RALYL: variants seen among roughly 807,000 people sequenced by gnomAD.
RALYL encodes the protein RNA-binding Raly-like protein.
A neutral mutation model predicts 35.1 loss-of-function variants in RALYL; 29 were observed. That is an observed-to-expected ratio of 0.83 (90% CI 0.61 to 1.13). RALYL has a LOEUF of 1.13. RALYL is among the 50% of genes most tolerant of loss of function. RALYL has a pLI of 0.00. For synonymous variants in RALYL, 120 were observed against 127.6 expected, an observed-to-expected ratio of 0.94 and a Z score of 0.40; for missense variants, 359 against 360.4, an observed-to-expected ratio of 1.00 and a Z score of 0.03.
intron 2 of RALYL, among the ~76,000 whole-genome samples, chr8:84,596,453 G>C (rs189955813): frequency 4.5e-4 from 69 of 152,234 alleles, no homozygotes; most frequent in Admixed American, 3.6e-3. Flanking sequence ...CAGTTTTTCA[G>C]GGTTAAGAGA....
chr8:84,505,035 C>G (rs888691351), intron 1 of RALYL, among the ~76,000 whole-genome samples: 20 of 152,108 alleles, frequency 1.3e-4, no homozygotes, highest in Admixed American at 2.6e-4. Context: ...ATTGGGCTGT[C>G]TTGCTTGTGT....
rs542731767 is a variant in RALYL at position 84,782,329 on chromosome 8, A to C, written c.332+7675A>C. ...ACTCAGCTTCTAAGTCTAGAAGAAA[A>C]AGACAATGCTTGAATGTCTAGAACC... On this transcript the variant is annotated intron_variant, in intron 3 of 8. Transcript: ENST00000521268. Among the ~76,000 whole-genome samples, 26 of 152,276 alleles carry C rather than the reference A, an allele frequency of 1.7e-4. 1 individual carries two copies. In the South Asian group the frequency reaches 5.2e-3, roughly 30 times the overall value.
chr8:84,912,210 G>T (rs894450854), intron 8 of RALYL, among the ~76,000 whole-genome samples: 5 of 151,982 alleles, frequency 3.3e-5, no homozygotes, highest in Admixed American at 6.6e-5. Context: ...AATAACAAAA[G>T]ACACTGCTAT....
intron 2 of RALYL, among the ~76,000 whole-genome samples, chr8:84,671,753 G>A (rs28792691): frequency 0.074 from 11,321 of 152,240 alleles, 1,023 homozygotes; most frequent in African/African-American, 0.21. Context: ...CCCAGCCCAC[G>A]AAACCATTTT....
chr8:84,641,740 G>A (rs997860807), intron 2 of RALYL, among the ~76,000 whole-genome samples: 1 of 139,914 alleles, frequency 7.1e-6, no homozygotes, highest in African/African-American at 2.7e-5. Context: ...TAACTCAGAA[G>A]ATTCAGCTGT....
chr8:84,592,343 C>T lies in RALYL; in HGVS notation c.256+62766C>T, dbSNP rs547959406. Among the ~76,000 whole-genome samples, 7 of 152,166 alleles carry T rather than the reference C, an allele frequency of 4.6e-5. No homozygotes were observed. In the South Asian group the frequency reaches 8.3e-4, roughly 18 times the overall value. ...TAATAAGTTTCCTTTCAAAAATAAC[C>T]GTGCTCACTCTCTTCAGGAATAACC... On this transcript the variant is annotated intron_variant, in intron 2 of 8. Coordinates refer to ENST00000521268, the MANE Select transcript of RALYL (RefSeq NM_173848.7).
intron 4 of RALYL, among the ~76,000 whole-genome samples, chr8:84,816,032 C>CAAAAAAAAAAAAAA (rs5892931): frequency 1.5e-4 from 13 of 84,186 alleles, no homozygotes; most frequent in South Asian, 4.4e-4. Flanking sequence ...GACTCTGTCT[C>CAAAAAAAAAAAAAA]AAAAAAAAAA....
chr8:84,221,850 G>A (rs1822299605), intron 1 of RALYL, among the ~76,000 whole-genome samples: 1 of 152,010 alleles, frequency 6.6e-6, no homozygotes, highest in African/African-American at 2.4e-5. Context: ...TTGGAATTCT[G>A]GTGTGGTCTG....
intron 1 of RALYL, chr8:84,184,754 G>A (rs1812052111): frequency 6.9e-6 from 3 of 437,480 alleles, no homozygotes; most frequent in Non-Finnish European, 1.2e-5. Flanking sequence ...CGGCCGGCGG[G>A]CCCTGTAAGT....
chr8:84,359,008 T>C (rs773095261), intron 1 of RALYL, among the ~76,000 whole-genome samples: 1 of 152,056 alleles, frequency 6.6e-6, no homozygotes, highest in Non-Finnish European at 1.5e-5. Context: ...TAAATATGTA[T>C]ACATAAATAT....
intron 1 of RALYL, among the ~76,000 whole-genome samples, chr8:84,460,970 G>A (rs1047210216): frequency 5.3e-5 from 8 of 151,502 alleles, no homozygotes; most frequent in South Asian, 2.1e-4. Flanking sequence ...TGATAAGAGA[G>A]TACACCCAAA....
intron 2 of RALYL, among the ~76,000 whole-genome samples, chr8:84,750,428 G>C (rs571639161): frequency 9.1e-4 from 139 of 152,206 alleles, no homozygotes; most frequent in African/African-American, 3.2e-3. Flanking sequence ...TACCCCTTGT[G>C]TGATGGCCTC....
intron 8 of RALYL, among the ~76,000 whole-genome samples, chr8:84,888,628 T>G (rs1478702034): frequency 6.6e-6 from 1 of 152,208 alleles, no homozygotes; most frequent in Non-Finnish European, 1.5e-5. Context: ...TTAACTCATT[T>G]TGTCATGGTG....
chr8:84,536,159 C>G (rs772605618), intron 2 of RALYL, among the ~76,000 whole-genome samples: 27 of 152,256 alleles, frequency 1.8e-4, no homozygotes, highest in Non-Finnish European at 3.5e-4. Flanking sequence ...ATCTTTAATA[C>G]ACTGACTTTT....
Position 84,920,995 on chromosome 8 carries a change from C to A in RALYL, c.*84C>A, listed in dbSNP as rs979790480. The A allele has an allele frequency of 5.7e-6, 4 of 700,504 alleles. No individual in the cohort carries two copies. In the Admixed American group the frequency reaches 1.1e-4, roughly 20 times the overall value. 43.4% of individuals were successfully genotyped at this position (700,504 alleles called of 1,614,324 possible). A position where few individuals can be genotyped will look rare whatever the true frequency, so the allele number is the denominator to read the frequency against. The stretch of plus-strand genomic sequence containing the variant: ...ATGTGAAAGGAGGTTTCTTACTGGA[C>A]AGCAGCATCTTTGGTTCAATTTATA... On this transcript the variant is annotated 3_prime_UTR_variant, in exon 9 of 9. Transcript: ENST00000521268.
At chr8:84,398,322 T>C (rs1012317685) in intron 1 of RALYL, among the ~76,000 whole-genome samples, 5 of 152,078 alleles carry the variant, frequency 3.3e-5, no homozygotes, top group African/African-American at 4.8e-5. Flanking sequence ...TTTTTTATCC[T>C]TGCCAATACA....
chr8:84,588,807 G>C (rs758127350), intron 2 of RALYL, among the ~76,000 whole-genome samples: 2 of 152,232 alleles, frequency 1.3e-5, no homozygotes, highest in African/African-American at 4.8e-5. Context: ...ATGTAAATGC[G>C]AATATTAAAT....
chr8:84,607,631 C>T (rs1206295240), intron 2 of RALYL, among the ~76,000 whole-genome samples: 2 of 152,058 alleles, frequency 1.3e-5, no homozygotes, highest in Admixed American at 1.3e-4. Context: ...TAATTCGGTC[C>T]ACTTGGGCAT....
intron 2 of RALYL, among the ~76,000 whole-genome samples, chr8:84,625,853 C>T (rs1254489195): frequency 3.3e-5 from 5 of 152,096 alleles, no homozygotes; most frequent in Non-Finnish European, 5.9e-5. Context: ...GGTGGAGGGG[C>T]TCCCTTGATG....
Sources: allele counts gnomAD v4.1 joint callset (sites outside exome capture counted in the v4.1 genomes callset), GRCh38; gene constraint gnomAD v4.1.1; transcripts MANE v1.5; gene names NCBI Gene and HGNC (gene_info 2026-07-23, HGNC 2026-07-21).